Variants in NRXN1 observed in about 807,000 individuals in gnomAD.
NRXN1 encodes the protein neurexin-1.
NRXN1 carries 39 observed loss-of-function variants against 150.9 expected under a neutral mutation model. The observed-to-expected ratio is 0.26, with a 90% confidence interval of 0.20 to 0.34. The LOEUF (loss-of-function observed/expected upper bound fraction) is 0.34. Among genes scored for constraint, NRXN1 ranks in the 10% least tolerant of loss-of-function variants. The pLI, the probability that NRXN1 is intolerant of heterozygous loss-of-function variation, is 1.00. For synonymous variants in NRXN1, 924 were observed against 757.0 expected, an observed-to-expected ratio of 1.22 and a Z score of -3.62; for missense variants, 1,815 against 1,949.9, an observed-to-expected ratio of 0.93 and a Z score of 1.30.
chr2:50,926,391 T>G (rs982490915), intron 2 of NRXN1, among the ~76,000 whole-genome samples: 2 of 151,956 alleles, frequency 1.3e-5, no homozygotes, highest in Admixed American at 1.3e-4. Context: ...GAAATTTCAC[T>G]TAAAGATATT....
chr2:50,395,268 T>C (rs1426116269), intron 17 of NRXN1, among the ~76,000 whole-genome samples: 1 of 151,710 alleles, frequency 6.6e-6, no homozygotes, highest in Non-Finnish European at 1.5e-5. Context: ...GACTACGAGA[T>C]TGAAATACCA....
In NRXN1 at chr2:50,347,737, A is replaced by T; in HGVS notation, c.3365-110767T>A. On this transcript the variant is annotated intron_variant, in intron 17 of 22. Coordinates refer to ENST00000401669, the MANE Select transcript of NRXN1 (RefSeq NM_001330078.2). The surrounding 1 kb of genome is among the most constrained non-coding windows in gnomAD (Gnocchi z 4.9). ...GAGTAAGGGAGAGAAACAGAAAAAGAAAAAGAAAAAGAAAAAAAGAAAAGA... is the reference window on the plus strand; with the variant it reads ...GAGTAAGGGAGAGAAACAGAAAAAGTAAAAGAAAAAGAAAAAAAGAAAAGA... The T allele has an allele frequency of 1.0e-6, 1 of 986,452 alleles. No individual in the cohort carries two copies. The highest frequency in any genetic ancestry group is 1.2e-6 in the Non-Finnish European group (1 of 830,686). The allele number at this position is 986,452 out of a possible 1,614,324, so 61.1% of individuals were successfully genotyped here.
intron 18 of NRXN1, among the ~76,000 whole-genome samples, chr2:50,112,435 C>T (rs1558903649): frequency 6.6e-6 from 1 of 152,224 alleles, no homozygotes; most frequent in African/African-American, 2.4e-5. Flanking sequence ...CTCCGGTAGA[C>T]AGAGACAAAT....
At position 50,053,580 on chromosome 2, in the gene NRXN1, G is replaced by A. The variant is rs756718800; in HGVS notation, c.3819C>T (p.Leu1273=). 1.2e-6 allele frequency: 2 copies of A among 1,613,914 alleles called. No individual in the cohort carries two copies. Among genetic ancestry groups the A allele is most frequent in the Non-Finnish European group, 1.7e-6 (2 of 1,179,894 alleles). The change falls in exon 21 of 23, where the codon CTC becomes CTT. Residue 1273 remains leucine, a synonymous_variant. Coordinates refer to ENST00000401669, the MANE Select transcript of NRXN1 (RefSeq NM_001330078.2). The stretch of plus-strand genomic sequence containing the variant: ...TGGTTGCTTGGCTATTGAAGATTGT[G>A]AGCTGACGCCCTGTAAAAATAATAT... ...DEWLLDKGRQ[L]TIFNSQATII... is the part of the protein sequence containing the mutation.
intron 17 of NRXN1, among the ~76,000 whole-genome samples, chr2:50,254,935 T>G (rs369740101): frequency 6.6e-6 from 1 of 152,026 alleles, no homozygotes; most frequent in African/African-American, 2.4e-5. Context: ...GCCTCCCAGA[T>G]AGCTGGGTCT....
chr2:50,785,567 G>A (rs777618031), intron 5 of NRXN1, among the ~76,000 whole-genome samples: 23 of 152,044 alleles, frequency 1.5e-4, no homozygotes, highest in Non-Finnish European at 3.1e-4. Context: ...TGTATTTTAA[G>A]CCACTCAGTT....
intron 5 of NRXN1, among the ~76,000 whole-genome samples, chr2:50,865,333 T>C (rs542106420): frequency 2.4e-4 from 36 of 151,946 alleles, no homozygotes; most frequent in Admixed American, 2.1e-3. Flanking sequence ...AGTAGTCTTA[T>C]CCAGAGAGGG....
intron 5 of NRXN1, among the ~76,000 whole-genome samples, chr2:50,753,716 T>C (rs1175888824): frequency 2.6e-5 from 4 of 151,804 alleles, no homozygotes; most frequent in Non-Finnish European, 5.9e-5. Context: ...AAAAACTGCA[T>C]GTTTTTAGGA....
At chr2:50,478,026 A>G (rs776983806) in intron 15 of NRXN1, among the ~76,000 whole-genome samples, 17 of 152,150 alleles carry the variant, frequency 1.1e-4, no homozygotes, top group Non-Finnish European at 1.9e-4. Context: ...TCTGTCCCCA[A>G]ATTTGTACCA....
At position 50,268,197 on chromosome 2, in the gene NRXN1, A is replaced by C. The variant is rs144276815; in HGVS notation, c.3365-31227T>G. Among the ~76,000 whole-genome samples the C allele has an allele frequency of 8.7e-4, 133 of 152,274 alleles. 1 individual carries two copies. The highest frequency in any genetic ancestry group is 3.1e-3 in the African/African-American group (129 of 41,560). On this transcript the variant is annotated intron_variant, in intron 17 of 22. Transcript: ENST00000401669. ...AGTGAGACTCTGACTCAAAATAATA[A>C]AATAAAAATAAAATAAAATTCTGTG...
intron 17 of NRXN1, among the ~76,000 whole-genome samples, chr2:50,276,937 GC>G (rs934244576): frequency 6.6e-5 from 10 of 152,008 alleles, no homozygotes; most frequent in Non-Finnish European, 1.5e-5. Flanking sequence ...CTTACTTCTA[GC>G]CCCCCTGCTT....
At chr2:50,387,358 G>A (rs1229246986) in intron 17 of NRXN1, among the ~76,000 whole-genome samples, 2 of 152,098 alleles carry the variant, frequency 1.3e-5, no homozygotes, top group South Asian at 2.1e-4. Context: ...CACCTGAAAA[G>A]GTAAAATCCA....
At chr2:50,701,849 T>C (rs538468248) in intron 5 of NRXN1, among the ~76,000 whole-genome samples, 60 of 152,292 alleles carry the variant, frequency 3.9e-4, no homozygotes, top group Middle Eastern at 3.4e-3. Flanking sequence ...TAATCCCTTT[T>C]ATGTGACTTC....
At chr2:50,730,874 C>T (rs1205161423) in intron 5 of NRXN1, among the ~76,000 whole-genome samples, 1 of 151,964 alleles carries the variant, frequency 6.6e-6, no homozygotes, top group Non-Finnish European at 1.5e-5. Flanking sequence ...AGGGTTTCAC[C>T]GCGTTAGCCA....
At chr2:50,075,185 AC>A (rs1696898486) in intron 19 of NRXN1, among the ~76,000 whole-genome samples, 1 of 152,206 alleles carries the variant, frequency 6.6e-6, no homozygotes, top group South Asian at 2.1e-4. Context: ...AGGACTTTGA[AC>A]CCTATTATAC....
At chr2:50,308,340 C>T (rs1217438) in intron 17 of NRXN1, among the ~76,000 whole-genome samples, 67,128 of 151,398 alleles carry the variant, frequency 0.44, 16,187 homozygotes, top group Middle Eastern at 0.59. Flanking sequence ...TTATTTTTTA[C>T]GTTTTTAGAG....
intron 5 of NRXN1, among the ~76,000 whole-genome samples, chr2:50,864,929 G>A (rs1170205064): frequency 6.6e-6 from 1 of 151,972 alleles, no homozygotes; most frequent in African/African-American, 2.4e-5. Flanking sequence ...AGTTCTCAGG[G>A]AAGGTCGATG....
chr2:50,201,873 T>C (rs910493783), intron 18 of NRXN1, among the ~76,000 whole-genome samples: 4 of 152,196 alleles, frequency 2.6e-5, no homozygotes, highest in Admixed American at 6.5e-5. Context: ...AGCATCACAT[T>C]GTTCTTAGTC....
intron 10 of NRXN1, among the ~76,000 whole-genome samples, chr2:50,534,049 A>G (rs945515151): frequency 6.6e-6 from 1 of 151,764 alleles, no homozygotes; most frequent in African/African-American, 2.4e-5. Context: ...TGCCCCCACA[A>G]TGCCAGGCCC....
Sources: allele counts gnomAD v4.1 joint callset (sites outside exome capture counted in the v4.1 genomes callset), GRCh38; gene constraint gnomAD v4.1.1; non-coding constraint Gnocchi (gnomAD v3.1); transcripts MANE v1.5; gene names NCBI Gene and HGNC (gene_info 2026-07-23, HGNC 2026-07-21).